Variants in KMT2C observed in about 807,000 individuals in gnomAD.
KMT2C encodes histone-lysine N-methyltransferase 2C.
Under a neutral mutation model 507.9 loss-of-function variants are expected in KMT2C, and 88 were observed. The observed-to-expected ratio is 0.17, with a 90% confidence interval of 0.15 to 0.21. KMT2C has a LOEUF of 0.21. KMT2C is among the 10% of genes least tolerant of loss of function. KMT2C has a pLI of 1.00. For missense variants in KMT2C, 4,954 were observed against 5,957.8 expected, an observed-to-expected ratio of 0.83 and a Z score of 5.55; for synonymous variants, 2,049 against 2,080.8, an observed-to-expected ratio of 0.98 and a Z score of 0.42.
In KMT2C at chr7:152,162,322, G is replaced by T. The variant is rs749244367; in HGVS notation, c.11255C>A (p.Pro3752His). 5.0e-6 allele frequency: 8 copies of T among 1,614,218 alleles called. No homozygotes were observed. In the South Asian group the frequency reaches 8.8e-5, roughly 18 times the overall value. ...SKVEGNAVACPVSSAQSPPHS... is the reference protein window; with the variant it reads ...SKVEGNAVACHVSSAQSPPHS... ...GGGAGGACTCTGTGCTGAGGAGACA[G>T]GACAGGCTACAGCGTTTCCTTCTAC... Residue 3752 changes from proline to histidine, a missense_variant, in exon 43 of 59, where the codon CCT becomes CAT. Physicochemically the swap from Pro to His is moderately conservative, Grantham distance 77 (BLOSUM62 -2). Transcript: ENST00000262189.
intron 39 of KMT2C, 83 bp from the exon 40 acceptor site, chr7:152,171,425 A>G: frequency 1.2e-6 from 1 of 859,796 alleles, no homozygotes; most frequent in South Asian, 2.0e-5. Flanking sequence ...TAGGTGCTTA[A>G]CAGTTTTCTC....
At chr7:152,137,588 C>T (rs769655722) in intron 58 of KMT2C, 3 of 152,306 alleles carry the variant, frequency 2.0e-5, no homozygotes, top group Admixed American at 6.5e-5. Flanking sequence ...CTGGAAAGAC[C>T]TTCTACACAG....
At chr7:152,419,877 A>G in intron 1 of KMT2C, among the ~76,000 whole-genome samples, 1 of 152,244 alleles carries the variant, frequency 6.6e-6, no homozygotes, top group East Asian at 1.9e-4. Flanking sequence ...CTAACACATA[A>G]TAGCCAGGTA....
chr7:152,165,445 T>G (rs2092684790), intron 42 of KMT2C, among the ~76,000 whole-genome samples: 1 of 152,236 alleles, frequency 6.6e-6, no homozygotes, highest in Admixed American at 6.5e-5. Flanking sequence ...TATACTTTAT[T>G]AAACATATCT....
intron 27 of KMT2C, among the ~76,000 whole-genome samples, chr7:152,196,661 C>T (rs976135459): frequency 6.6e-6 from 1 of 152,060 alleles, no homozygotes; most frequent in East Asian, 1.9e-4. Context: ...TAAACGACAT[C>T]GCTGTAAGTG....
chr7:152,378,182 G>C (rs2097343622), intron 1 of KMT2C, among the ~76,000 whole-genome samples: 1 of 152,182 alleles, frequency 6.6e-6, no homozygotes, highest in Admixed American at 6.5e-5. Flanking sequence ...AGCAGTGTTT[G>C]AGCTGACTCC....
chr7:152,363,337 G>T (rs986283978), intron 1 of KMT2C, among the ~76,000 whole-genome samples: 1 of 151,896 alleles, frequency 6.6e-6, no homozygotes, highest in African/African-American at 2.4e-5. Context: ...TGAAGTAAAA[G>T]AATACAACTA....
intron 34 of KMT2C, among the ~76,000 whole-genome samples, chr7:152,184,984 G>A (rs950871604): frequency 6.6e-6 from 1 of 152,084 alleles, no homozygotes; most frequent in African/African-American, 2.4e-5. Flanking sequence ...TTGAACTCCT[G>A]GGCTCAAAGC....
chr7:152,141,311 GA>G, intron 55 of KMT2C, among the ~76,000 whole-genome samples: 1 of 151,104 alleles, frequency 6.6e-6, no homozygotes, highest in Non-Finnish European at 1.5e-5. Context: ...GTGACAGAGT[GA>G]GACTCCATCT....
At chr7:152,263,885 GA>G (rs2095820078) in intron 8 of KMT2C, among the ~76,000 whole-genome samples, 1 of 151,178 alleles carries the variant, frequency 6.6e-6, no homozygotes, top group Admixed American at 6.6e-5. Context: ...TTAAATTCAA[GA>G]GGAGGGGAAA....
chr7:152,186,344 T>C (rs1041836816), intron 33 of KMT2C, among the ~76,000 whole-genome samples: 1 of 152,100 alleles, frequency 6.6e-6, no homozygotes, highest in African/African-American at 2.4e-5. Context: ...TAAGGACAAT[T>C]TGTGCTGACA....
At chr7:152,222,344 A>G (rs1263434424) in intron 21 of KMT2C, among the ~76,000 whole-genome samples, 1 of 152,244 alleles carries the variant, frequency 6.6e-6, no homozygotes, top group Non-Finnish European at 1.5e-5. Context: ...AAGCAAAATT[A>G]TAGTTTACAT....
At chr7:152,416,961 A>G in intron 1 of KMT2C, among the ~76,000 whole-genome samples, 1 of 149,762 alleles carries the variant, frequency 6.7e-6, no homozygotes, top group Admixed American at 6.7e-5. Flanking sequence ...ACACATGAGA[A>G]TCCCTTGAAC....
chr7:152,307,978 T>C (rs1488436860), intron 6 of KMT2C, among the ~76,000 whole-genome samples: 2 of 152,246 alleles, frequency 1.3e-5, no homozygotes, highest in Non-Finnish European at 2.9e-5. Context: ...AAAATTACTT[T>C]TATGAAGTAA....
intron 1 of KMT2C, among the ~76,000 whole-genome samples, chr7:152,410,315 G>A (rs1275086643): frequency 6.6e-6 from 1 of 152,274 alleles, no homozygotes; most frequent in Non-Finnish European, 1.5e-5. Flanking sequence ...GGGAGGCTGA[G>A]GCAGAAGAAT....
In KMT2C at chr7:152,341,769, G is replaced by C. The variant is rs982976048; in HGVS notation, c.251-11030C>G. ...TTCATATCAAAAAAAGATAAGAAAG[G>C]ACAGGTAAAGTTAAATTGTTAGGCC... is the stretch of plus-strand genomic sequence containing the variant. On this transcript the variant is annotated intron_variant, in intron 2 of 58. Transcript: ENST00000262189. 3.6e-4 allele frequency among the ~76,000 whole-genome samples: 55 copies of C among 152,268 alleles called. No homozygotes were observed. The Middle Eastern group carries it at 0.01, about 28-fold the overall frequency.
rs768300681 is a variant in KMT2C, at chr7:152,167,176, C to T, written c.9720G>A (p.Gln3240=). The T allele has an allele frequency of 6.2e-6, 10 of 1,613,900 alleles. No homozygotes were observed. Among genetic ancestry groups the T allele is most frequent in the Non-Finnish European group, 7.6e-6 (9 of 1,179,900 alleles). The part of the protein sequence containing the change: ...DAEQLKHVTE[Q]QSMVQKQLEQ... The stretch of plus-strand genomic sequence containing the variant: ...CTAGCTGTTTCTGAACCATGCTTTG[C>T]TGTTCAGTAACATGCTTGAGTTGTT... Residue 3240 remains glutamine, a synonymous_variant, in exon 42 of 59, where the codon CAG becomes CAA. Coordinates refer to ENST00000262189, the MANE Select transcript of KMT2C (RefSeq NM_170606.3).
rs769381866 is a variant in KMT2C at position 152,297,055 on chromosome 7, CAGAGAGAGAG to C, written c.849+12901_849+12910del. Among the ~76,000 whole-genome samples the C allele has an allele frequency of 1.3e-3, 109 of 84,418 alleles. 1 individual carries two copies. The highest frequency in any genetic ancestry group is 4.1e-3 in the South Asian group (9 of 2,208). 55.4% of individuals were successfully genotyped at this position (84,418 alleles called of 152,430 possible). A position where few individuals can be genotyped will look rare whatever the true frequency, so the allele number is the denominator to read the frequency against. ...AAAGAAAGAAAGAAAGAAAGAAAGA[CAGAGAGAGAG>C]AGAGAGAGAGAGAGAGAGAGAGAGA... On this transcript the variant is annotated intron_variant, in intron 6 of 58. Coordinates refer to ENST00000262189, the MANE Select transcript of KMT2C (RefSeq NM_170606.3).
intron 18 of KMT2C, among the ~76,000 whole-genome samples, chr7:152,229,255 A>G (rs1262480758): frequency 1.3e-5 from 2 of 152,118 alleles, no homozygotes; most frequent in Admixed American, 6.5e-5. Context: ...GCTTGCTTCC[A>G]GTGGCCATGA....
Sources: allele counts gnomAD v4.1 joint callset (sites outside exome capture counted in the v4.1 genomes callset), GRCh38; gene constraint gnomAD v4.1.1; transcripts MANE v1.5; gene names NCBI Gene and HGNC (gene_info 2026-07-23, HGNC 2026-07-21).